ENPEP: variants seen among roughly 807,000 people sequenced by gnomAD.
ENPEP encodes AP-A.
ENPEP carries 103 observed loss-of-function variants against 114.5 expected under a neutral mutation model. The observed-to-expected ratio is 0.90, with a 90% CI of 0.77 to 1.06. The LOEUF is 1.06. Ranked by LOEUF, ENPEP falls within the 50% of genes least tolerant of loss-of-function variation. The pLI, the probability that ENPEP is intolerant of heterozygous loss-of-function variation, is 0.00. For missense variants in ENPEP, 1,196 were observed against 1,161.3 expected (o/e 1.03, Z -0.43); for synonymous variants, 420 against 422.0 (o/e 1.00, Z 0.06).
At chr4:110,513,213 A>T in intron 6 of ENPEP, 1 of 422,890 alleles carries the variant, frequency 2.4e-6, no homozygotes, top group Non-Finnish European at 3.9e-6. Context: ...GGGGAAAATT[A>T]AAAGGAATTA....
intron 4 of ENPEP, among the ~76,000 whole-genome samples, 184 bp downstream of exon 4, chr4:110,506,941 AG>A (rs1725395502): frequency 6.6e-6 from 1 of 152,186 alleles, no homozygotes; most frequent in African/African-American, 2.4e-5. Flanking sequence ...CTAGGATTAC[AG>A]GCCTAATCAA....
At chr4:110,484,675 G>A (rs1236849212) in intron 1 of ENPEP, among the ~76,000 whole-genome samples, 1 of 150,328 alleles carries the variant, frequency 6.7e-6, no homozygotes, top group Non-Finnish European at 1.5e-5. Context: ...CTTTTAAAGA[G>A]AGAAGGTGAG....
At position 110,563,888 on chromosome 4, in the gene ENPEP, A is replaced by G. The variant is rs1727751811; in HGVS notation, c.*2330A>G. ...TTTGGGAAACAGGGGTGAGATGTAT[A>G]CCTGGGTTGAAGGTAATGATACTCC... On this transcript the variant is annotated 3_prime_UTR_variant, in exon 20 of 20. Transcript: ENST00000265162. 1 of 152,170 alleles carries G rather than the reference A, an allele frequency of 6.6e-6. No homozygotes were observed. The highest frequency in any genetic ancestry group is 2.1e-4 in the South Asian group (1 of 4,828). 9.4% of individuals were successfully genotyped at this position (152,170 alleles called of 1,614,324 possible).
chr4:110,513,664 T>A, intron 7 of ENPEP, 115 bp downstream of exon 7: 1 of 1,309,734 alleles, frequency 7.6e-7, no homozygotes, highest in Non-Finnish European at 1.0e-6. Context: ...TGGAAAACAG[T>A]GTAGAAGTTA....
At position 110,507,926 on chromosome 4, in the gene ENPEP, G is replaced by A. The variant is rs567269234; in HGVS notation, c.1039+1169G>A. ...GGAGGTTGAGGCTGCAGTGAGCCAT[G>A]ATTGTGTCACTGCAGTCTAGGTGAC... On this transcript the variant is annotated intron_variant, in intron 4 of 19. Transcript: ENST00000265162. Among the ~76,000 whole-genome samples, 11 of 152,310 alleles carry A rather than the reference G, an allele frequency of 7.2e-5. No homozygotes were observed. In the East Asian group the frequency reaches 2.1e-3, roughly 29 times the overall value.
intron 19 of ENPEP, among the ~76,000 whole-genome samples, chr4:110,560,329 T>C (rs1467921291): frequency 2.0e-5 from 3 of 152,196 alleles, no homozygotes; most frequent in Non-Finnish European, 4.4e-5. Context: ...AGAATGAAAC[T>C]ATTTTTTCAA....
chr4:110,561,670 T>G lies in ENPEP; in HGVS notation c.*112T>G. 1.0e-6 allele frequency: 1 copy of G among 1,001,708 alleles called. No individual in the cohort carries two copies. Among genetic ancestry groups the G allele is most frequent in the Non-Finnish European group, 1.4e-6 (1 of 691,598 alleles). 62.1% of individuals were successfully genotyped at this position (1,001,708 alleles called of 1,614,324 possible). On this transcript the variant is annotated 3_prime_UTR_variant, in exon 20 of 20. Transcript: ENST00000265162. ...AGAGCCTTATAAACAGATAATGCTTTTACTAAGCACTGTGTTTATATGTCT... is the reference window on the plus strand; with the variant it reads ...AGAGCCTTATAAACAGATAATGCTTGTACTAAGCACTGTGTTTATATGTCT...
At chr4:110,492,292 G>A (rs1405498549) in intron 3 of ENPEP, among the ~76,000 whole-genome samples, 1 of 152,130 alleles carries the variant, frequency 6.6e-6, no homozygotes, top group African/African-American at 2.4e-5. Flanking sequence ...GCTGGCAAGT[G>A]GTAGAAACTT....
At chr4:110,553,009 T>A (rs1727345171) in intron 17 of ENPEP, among the ~76,000 whole-genome samples, 1 of 152,134 alleles carries the variant, frequency 6.6e-6, no homozygotes, top group Non-Finnish European at 1.5e-5. Context: ...AAATTAACAT[T>A]TTAATTTTTA....
chr4:110,525,151 T>C (rs1293708352), intron 10 of ENPEP, among the ~76,000 whole-genome samples: 1 of 152,238 alleles, frequency 6.6e-6, no homozygotes, highest in African/African-American at 2.4e-5. Flanking sequence ...GAATACAACT[T>C]GCACAAAAAT....
rs1244383898 is a variant in ENPEP, at chr4:110,562,038, A to C, written c.*480A>C. ...AATTATACAGACCTAATATCATTTT[A>C]TTCACATATGTCTTACTACTTTAAA... On this transcript the variant is annotated 3_prime_UTR_variant, in exon 20 of 20. Transcript: ENST00000265162. 6.6e-6 allele frequency: 1 copy of C among 152,284 alleles called. No homozygotes were observed. Among genetic ancestry groups the C allele is most frequent in the African/African-American group, 2.4e-5 (1 of 41,442 alleles). 9.4% of individuals were successfully genotyped at this position (152,284 alleles called of 1,614,324 possible).
At chr4:110,542,121 T>C (rs478454) in intron 11 of ENPEP, among the ~76,000 whole-genome samples, 73,624 of 151,862 alleles carry the variant, frequency 0.48, 19,346 homozygotes, top group East Asian at 0.72. Flanking sequence ...ATAAATAAAT[T>C]GGAAGAACAA....
intron 3 of ENPEP, among the ~76,000 whole-genome samples, chr4:110,494,241 C>T (rs577546461): frequency 1.1e-4 from 17 of 152,244 alleles, no homozygotes; most frequent in African/African-American, 2.4e-4. Context: ...TTATAGCTTC[C>T]GATCCTTATG....
At chr4:110,559,074 CT>C (rs1339838380) in intron 18 of ENPEP, 1 of 152,372 alleles carries the variant, frequency 6.6e-6, no homozygotes, top group African/African-American at 2.4e-5. Flanking sequence ...GTAATTAGTT[CT>C]CACTATGGTT....
intron 11 of ENPEP, among the ~76,000 whole-genome samples, chr4:110,535,014 A>G (rs1578412101): frequency 6.6e-6 from 1 of 152,188 alleles, no homozygotes; most frequent in East Asian, 1.9e-4. Context: ...TCCATCTTTT[A>G]GTATCAGCTG....
chr4:110,495,421 G>A (rs181365509), intron 3 of ENPEP, among the ~76,000 whole-genome samples: 36 of 152,204 alleles, frequency 2.4e-4, no homozygotes, highest in Non-Finnish European at 4.7e-4. Context: ...AATTCAGGAC[G>A]AGTTAAATGG....
Position 110,488,723 on chromosome 4 carries a change from T to C in ENPEP, c.786+41T>C, listed in dbSNP as rs776908664. 8 of 1,581,310 alleles carry C rather than the reference T, an allele frequency of 5.1e-6. No homozygotes were observed. The Admixed American group carries it at 1.3e-4, about 26-fold the overall frequency. ...ATGTTTTGTTTATGCAGAGAGTCTG[T>C]TGACAACATTAGGCCAGTTACCTGA... On this transcript the variant is annotated intron_variant, in intron 2 of 19. Transcript: ENST00000265162.
At chr4:110,482,985 G>A (rs984263982) in intron 1 of ENPEP, among the ~76,000 whole-genome samples, 1 of 152,074 alleles carries the variant, frequency 6.6e-6, no homozygotes, top group Non-Finnish European at 1.5e-5. Flanking sequence ...CTCTAGCCTG[G>A]GTGACAGAGT....
intron 3 of ENPEP, among the ~76,000 whole-genome samples, chr4:110,494,584 TA>T (rs1724858257): frequency 6.6e-6 from 1 of 152,184 alleles, no homozygotes; most frequent in African/African-American, 2.4e-5. Flanking sequence ...TTTATATCAA[TA>T]AACACAGAAT....
Sources: allele counts gnomAD v4.1 joint callset (sites outside exome capture counted in the v4.1 genomes callset), GRCh38; gene constraint gnomAD v4.1.1; transcripts MANE v1.5; gene names NCBI Gene and HGNC (gene_info 2026-07-23, HGNC 2026-07-21).